LYZL1: variants seen among roughly 807,000 people sequenced by gnomAD.
The protein encoded by LYZL1 is lysozyme like 1.
LYZL1 carries 16 observed loss-of-function variants against 17.9 expected under a neutral mutation model. The ratio of observed to expected loss-of-function variants is 0.90; its 90% CI spans 0.61 to 1.36. The LOEUF is 1.36. LYZL1 is among the 40% of genes most tolerant of loss of function. The probability of loss-of-function intolerance (pLI) is 0.00; values close to 1 mark genes in which losing one functional copy is unlikely to be tolerated. For missense variants in LYZL1, 149 were observed against 188.4 expected, an observed-to-expected ratio of 0.79 and a Z score of 1.22; for synonymous variants, 58 against 71.8, an observed-to-expected ratio of 0.81 and a Z score of 0.97.
At chr10:29,305,894 G>A (rs548974841) in intron 3 of LYZL1, among the ~76,000 whole-genome samples, 7 of 152,194 alleles carry the variant, frequency 4.6e-5, no homozygotes, top group African/African-American at 9.7e-5. Flanking sequence ...TAGCATGCTC[G>A]AGGGAAAATT....
chr10:29,295,664 A>G (rs1835437283), intron 3 of LYZL1, among the ~76,000 whole-genome samples: 1 of 152,204 alleles, frequency 6.6e-6, no homozygotes, highest in Admixed American at 6.5e-5. Flanking sequence ...ATCCGGGACA[A>G]TGTGGGTGGA....
At chr10:29,299,735 G>C (rs1835492786) in intron 3 of LYZL1, among the ~76,000 whole-genome samples, 1 of 152,144 alleles carries the variant, frequency 6.6e-6, no homozygotes, top group African/African-American at 2.4e-5. Context: ...TAGCAATACA[G>C]CCCACTCTCA....
intron 3 of LYZL1, among the ~76,000 whole-genome samples, chr10:29,293,345 G>C (rs1835403530): frequency 6.6e-6 from 1 of 151,680 alleles, no homozygotes; most frequent in Non-Finnish European, 1.5e-5. Flanking sequence ...GGTCCCACCT[G>C]GGCTGGTCTT....
rs186113395 is a variant in LYZL1, at chr10:29,289,083, T to G, written c.-173T>G. The G allele has an allele frequency of 0.011, 17,350 of 1,532,344 alleles. 276 individuals carry two copies. The highest frequency in any genetic ancestry group is 0.058 in the Middle Eastern group (327 of 5,594). The allele number at this position is 1,532,344 out of a possible 1,614,324, so 94.9% of individuals were successfully genotyped here. ...TGTTCTTGAGCTAGGAAAGGATTAC[T>G]CGCGCCTCGTTAGAATCAGACATGG... On this transcript the variant is annotated 5_prime_UTR_variant, in exon 1 of 5. Transcript: ENST00000649382.
chr10:29,314,560 A>T (rs544792703), downstream of LYZL1, among the ~76,000 whole-genome samples: 1 of 152,202 alleles, frequency 6.6e-6, no homozygotes, highest in East Asian at 1.9e-4. Flanking sequence ...GCTTCAGTGA[A>T]CTATGAACTA....
At chr10:29,306,422 C>A (rs10826607) in intron 3 of LYZL1, among the ~76,000 whole-genome samples, 53,057 of 143,234 alleles carry the variant, frequency 0.37, 11,523 homozygotes, top group African/African-American at 0.52. Flanking sequence ...TAGTGGCGGG[C>A]GCCTGTAGTC....
intron 3 of LYZL1, among the ~76,000 whole-genome samples, chr10:29,306,506 C>T (rs1463714716): frequency 2.4e-5 from 3 of 126,014 alleles, no homozygotes; most frequent in East Asian, 4.3e-4. Context: ...GCCGAGATCC[C>T]GCCACTGCAC....
rs747481881 is a variant in LYZL1, at chr10:29,289,115, G to C, written c.-141G>C. On this transcript the variant is annotated 5_prime_UTR_variant, in exon 1 of 5. Transcript: ENST00000649382. ...TCGTTAGAATCAGACATGGCTTCAG[G>C]GGATGCAGGACGCTCCCCTGAGCTG... 10 of 1,580,844 alleles carry C rather than the reference G, an allele frequency of 6.3e-6. No individual in the cohort carries two copies. The highest frequency in any genetic ancestry group is 4.6e-5 in the South Asian group (4 of 86,932).
intron 3 of LYZL1, among the ~76,000 whole-genome samples, chr10:29,293,290 A>G (rs560862862): frequency 2.4e-4 from 37 of 151,336 alleles, no homozygotes; most frequent in Admixed American, 1.4e-3. Context: ...GCTATTTTGT[A>G]ATTTTTTTGT....
At chr10:29,316,099 C>G (rs1192009035), downstream of LYZL1, among the ~76,000 whole-genome samples, 1 of 152,128 alleles carries the variant, frequency 6.6e-6, no homozygotes, top group African/African-American at 2.4e-5. Flanking sequence ...GCAGAGGAGT[C>G]ATGGCCAGGG....
At chr10:29,317,240 G>A (rs1000273778) in intron 3 of LYZL1, 1 of 152,040 alleles carries the variant, frequency 6.6e-6, no homozygotes, top group African/African-American at 2.4e-5. Flanking sequence ...TTCAGGCCTG[G>A]AGCTCTAGGC....
chr10:29,292,470 G>A (rs1208192408), intron 2 of LYZL1, 49 bp from the exon 3 acceptor site: 3 of 1,600,742 alleles, frequency 1.9e-6, no homozygotes, highest in East Asian at 2.2e-5. Context: ...CAAGCTTAGA[G>A]CAAAAGATGC....
At chr10:29,296,546 T>C (rs1227894826) in intron 3 of LYZL1, among the ~76,000 whole-genome samples, 2 of 152,198 alleles carry the variant, frequency 1.3e-5, no homozygotes, top group Non-Finnish European at 2.9e-5. Context: ...CTTTTTCCTC[T>C]AGACGAGTAA....
At chr10:29,317,032 T>A (rs1378817952) in intron 3 of LYZL1, among the ~76,000 whole-genome samples, 1 of 152,202 alleles carries the variant, frequency 6.6e-6, no homozygotes, top group Non-Finnish European at 1.5e-5. Context: ...CCAGGTTTTT[T>A]ACAGATTTTT....
chr10:29,296,521 G>T (rs1006099879), intron 3 of LYZL1, among the ~76,000 whole-genome samples: 5 of 152,132 alleles, frequency 3.3e-5, no homozygotes, highest in African/African-American at 1.2e-4. Context: ...CACTCACCCT[G>T]GCAGAATACT....
chr10:29,298,032 C>A (rs1454171928), intron 3 of LYZL1, among the ~76,000 whole-genome samples: 1 of 152,184 alleles, frequency 6.6e-6, no homozygotes, highest in Non-Finnish European at 1.5e-5. Context: ...TTTCTGAGAA[C>A]CAAGTTGTTA....
At chr10:29,316,285 C>T (rs952874324) in intron 3 of LYZL1, among the ~76,000 whole-genome samples, 5 of 152,162 alleles carry the variant, frequency 3.3e-5, no homozygotes, top group African/African-American at 9.7e-5. Flanking sequence ...GGAAATAGAA[C>T]AGGGGACACT....
At chr10:29,317,313 T>C (rs1272752770) in exon 4 of LYZL1, 2 of 152,184 alleles carry the variant, frequency 1.3e-5, no homozygotes, top group East Asian at 3.9e-4. Context: ...TCACCAGAAG[T>C]CCTCAGCACA....
At position 29,300,241 on chromosome 10, in the gene LYZL1, TA is replaced by T. The variant is rs397845123; in HGVS notation, c.298+7574del. On this transcript the variant is annotated intron_variant, in intron 3 of 4. Coordinates refer to ENST00000649382, the MANE Select transcript of LYZL1 (RefSeq NM_032517.6). The stretch of plus-strand genomic sequence containing the variant: ...CCATTTTTTCTGCTTTCTTTGGAAT[TA>T]AAAAAAAAATTATTATTCTCTTTCA... Among the ~76,000 whole-genome samples, 456 of 151,014 alleles carry T rather than the reference TA, an allele frequency of 3.0e-3. 1 individual carries two copies. Among genetic ancestry groups the T allele is most frequent in the Middle Eastern group, 0.01 (3 of 292 alleles).
Sources: gnomAD v4.1 joint callset for allele counts (sites outside exome capture counted in the v4.1 genomes callset) on GRCh38, gnomAD v4.1.1 for gene constraint, MANE v1.5 for transcripts, NCBI Gene and HGNC (gene_info 2026-07-23, HGNC 2026-07-21) for gene names.